The following NDUFAF7 variants were observed in gnomAD, a reference collection of about 807,000 sequenced individuals.
NDUFAF7 encodes protein arginine methyltransferase NDUFAF7, mitochondrial.
A neutral mutation model predicts 47.2 loss-of-function variants in NDUFAF7; 48 were observed. The ratio of observed to expected loss-of-function variants is 1.02; its 90% CI spans 0.81 to 1.29. NDUFAF7 has a LOEUF of 1.29. Ranked by LOEUF, NDUFAF7 falls within the 50% of genes most tolerant of loss-of-function variation. NDUFAF7 has a pLI of 0.00. For missense variants in NDUFAF7, 635 were observed against 537.6 expected, an observed-to-expected ratio of 1.18 and a Z score of -1.79; for synonymous variants, 217 against 190.0, an observed-to-expected ratio of 1.14 and a Z score of -1.17.
chr2:37,249,680 C>A (rs1667323599), downstream of NDUFAF7, among the ~76,000 whole-genome samples: 1 of 89,234 alleles, frequency 1.1e-5, no homozygotes, highest in Non-Finnish European at 2.0e-5. Flanking sequence ...ACACACACAG[C>A]CTAGGAGGAA....
At chr2:37,245,507 T>C (rs1441271811) in intron 7 of NDUFAF7, among the ~76,000 whole-genome samples, 1 of 152,194 alleles carries the variant, frequency 6.6e-6, no homozygotes, top group African/African-American at 2.4e-5. Flanking sequence ...TTGGCACTAG[T>C]TTATAAGCCA....
At chr2:37,258,269 A>G (rs555796732), downstream of NDUFAF7, among the ~76,000 whole-genome samples, 18 of 152,340 alleles carry the variant, frequency 1.2e-4, no homozygotes, top group Non-Finnish European at 2.1e-4. Flanking sequence ...TTTATGAATG[A>G]TATTTGCTCA....
intron 5 of NDUFAF7, chr2:37,242,038 A>G: frequency 1.8e-6 from 1 of 544,726 alleles, no homozygotes; most frequent in South Asian, 2.2e-5. Flanking sequence ...TCTCCTTTGT[A>G]CTTTTGAGTA....
In NDUFAF7 at chr2:37,246,182, CAGAT is replaced by C. The variant is rs1666881013; in HGVS notation, c.925_928del (p.Asp309ProfsTer14). 6.2e-7 allele frequency: 1 copy of C among 1,613,664 alleles called. No homozygotes were observed. Among genetic ancestry groups the C allele is most frequent in the Non-Finnish European group, 8.5e-7 (1 of 1,179,766 alleles). ...GATTATGGTCATGATGGAACAAAGA[CAGAT>C]ACCTTCAGAGTATGTATAATTCAGT... is the stretch of plus-strand genomic sequence containing the variant. On this transcript the variant is annotated frameshift_variant, in exon 8 of 10. Transcript: ENST00000002125. LOFTEE classifies it high-confidence loss of function.
At chr2:37,259,590 A>T in the NDUFAF7 span, 2 of 1,609,242 alleles carry the variant, frequency 1.2e-6, no homozygotes, top group Non-Finnish European at 1.7e-6. Flanking sequence ...CACCTGAGGA[A>T]ATGGCTCTGC....
chr2:37,268,218 T>A, the NDUFAF7 span: 1 of 430,268 alleles, frequency 2.3e-6, no homozygotes, highest in South Asian at 1.8e-5. Flanking sequence ...TTAGATTAAC[T>A]CATTTGTCTC....
At chr2:37,261,683 G>A in the NDUFAF7 span, among the ~76,000 whole-genome samples, 34 of 152,316 alleles carry the variant, frequency 2.2e-4, no homozygotes, top group Middle Eastern at 3.4e-3. Flanking sequence ...GGGAGGCTGA[G>A]GCAGGAGAAT....
At chr2:37,250,343 G>GAGTC (rs1307061198), downstream of NDUFAF7, among the ~76,000 whole-genome samples, 1 of 152,098 alleles carries the variant, frequency 6.6e-6, no homozygotes, top group Non-Finnish European at 1.5e-5. Context: ...TAAGGGGCTA[G>GAGTC]AGTCAGGCAA....
chr2:37,232,954 T>C (rs1665336611), intron 2 of NDUFAF7, among the ~76,000 whole-genome samples: 1 of 152,178 alleles, frequency 6.6e-6, no homozygotes, highest in Non-Finnish European at 1.5e-5. Context: ...AGATTGGCCA[T>C]TGTTGTTGGA....
At chr2:37,238,169 G>A (rs1665986157) in intron 4 of NDUFAF7, among the ~76,000 whole-genome samples, 1 of 152,104 alleles carries the variant, frequency 6.6e-6, no homozygotes, top group Non-Finnish European at 1.5e-5. Flanking sequence ...GCCAGGCATG[G>A]TGGCTCAATC....
At position 37,241,584 on chromosome 2, in the gene NDUFAF7, A is replaced by C. The variant is rs183005843; in HGVS notation, c.415A>C (p.Thr139Pro). The C allele has an allele frequency of 2.5e-6, 4 of 1,613,080 alleles. No individual in the cohort carries two copies. In the Admixed American group the frequency reaches 5.0e-5, roughly 20 times the overall value. ...TTCTTCTTTTGGTATTTAGGTGTTC[A>C]CTCAACTTGGATCTGTGCTGAAAAA... ...TLVGDILRVF[T>P]QLGSVLKNCD... Residue 139 changes from threonine to proline, a missense_variant, in exon 5 of 10, where the codon ACT (threonine) becomes CCT (proline). Transcript: ENST00000002125.
chr2:37,271,346 A>G, the NDUFAF7 span, among the ~76,000 whole-genome samples: 1 of 152,216 alleles, frequency 6.6e-6, no homozygotes, highest in Admixed American at 6.5e-5. Context: ...ACAAATCAAA[A>G]TAATATTCTG....
the NDUFAF7 span, among the ~76,000 whole-genome samples, chr2:37,270,895 T>C: frequency 6.6e-6 from 1 of 152,178 alleles, no homozygotes; most frequent in South Asian, 2.1e-4. Flanking sequence ...TCTGAATCCT[T>C]TTCCCCCATG....
downstream of NDUFAF7, chr2:37,254,346 T>C: frequency 7.4e-7 from 1 of 1,360,402 alleles, no homozygotes; most frequent in East Asian, 2.3e-5. Context: ...TACCCCAAAC[T>C]TGTGACTGCC....
chr2:37,238,541 A>G (rs1666030441), intron 4 of NDUFAF7, among the ~76,000 whole-genome samples: 1 of 152,100 alleles, frequency 6.6e-6, no homozygotes, highest in Non-Finnish European at 1.5e-5. Flanking sequence ...GCTTGAGGCC[A>G]AGAGTTCAAG....
Position 37,248,510 on chromosome 2 carries a change from AG to A in NDUFAF7, c.*163del. On this transcript the variant is annotated 3_prime_UTR_variant, in exon 10 of 10. Transcript: ENST00000002125. ...ATACAACCAACATTATAGAACTTTT[AG>A]GGTTGTGACTGGCTTTGGTGCAAAT... is the stretch of plus-strand genomic sequence containing the variant. 1 of 753,468 alleles carries A rather than the reference AG, an allele frequency of 1.3e-6. No homozygotes were observed. Among genetic ancestry groups the A allele is most frequent in the Non-Finnish European group, 2.3e-6 (1 of 443,494 alleles). 46.7% of individuals were successfully genotyped at this position (753,468 alleles called of 1,614,324 possible). A position where few individuals can be genotyped will look rare whatever the true frequency, so the allele number is the denominator to read the frequency against.
At chr2:37,245,726 G>A (rs1666831396) in intron 7 of NDUFAF7, among the ~76,000 whole-genome samples, 1 of 152,190 alleles carries the variant, frequency 6.6e-6, no homozygotes, top group African/African-American at 2.4e-5. Flanking sequence ...CTAGAGGAAT[G>A]TGTTTATATG....
At chr2:37,257,080 T>C (rs1371670314), downstream of NDUFAF7, 6 of 942,984 alleles carry the variant, frequency 6.4e-6, no homozygotes, top group Non-Finnish European at 9.3e-6. Flanking sequence ...TTGTAAAATA[T>C]CCTTTTCTCA....
intron 5 of NDUFAF7, 41 bp from the exon 6 acceptor site, chr2:37,242,580 AGAATTAATTCCTGT>A: frequency 7.2e-7 from 1 of 1,397,354 alleles, no homozygotes; most frequent in Non-Finnish European, 1.0e-6. Context: ...AATATTCAAA[AGAATTAATTCCTGT>A]GAAATGTGGA....
Sources: gnomAD v4.1 joint callset for allele counts (sites outside exome capture counted in the v4.1 genomes callset) on GRCh38, gnomAD v4.1.1 for gene constraint, MANE v1.5 for transcripts, NCBI Gene and HGNC (gene_info 2026-07-23, HGNC 2026-07-21) for gene names.